Variants in XKR6 observed in about 807,000 individuals in gnomAD.
XKR6 encodes XK related 6.
A neutral mutation model predicts 56.7 loss-of-function variants in XKR6; 22 were observed. That is an observed-to-expected ratio of 0.39 (90% CI 0.28 to 0.55). XKR6 has a LOEUF of 0.55. XKR6 is among the 20% of genes least tolerant of loss of function. The pLI is 0.66. For missense variants in XKR6, 852 were observed against 889.0 expected (o/e 0.96, Z 0.53); for synonymous variants, 524 against 387.8 (o/e 1.35, Z -4.13).
chr8:11,032,538 G>C (rs1201734754), intron 1 of XKR6, among the ~76,000 whole-genome samples: 1 of 152,178 alleles, frequency 6.6e-6, no homozygotes, highest in Non-Finnish European at 1.5e-5. Context: ...TGAAAAAAAT[G>C]TTGGCCTGGA....
At chr8:11,110,184 G>T (rs1016574483) in intron 1 of XKR6, among the ~76,000 whole-genome samples, 7 of 152,100 alleles carry the variant, frequency 4.6e-5, no homozygotes, top group Admixed American at 4.6e-4. Context: ...TGTTGGCCAG[G>T]CTGGTCTTGA....
At chr8:11,162,448 A>G (rs1373632143) in intron 1 of XKR6, among the ~76,000 whole-genome samples, 6 of 152,248 alleles carry the variant, frequency 3.9e-5, no homozygotes, top group Non-Finnish European at 8.8e-5. Context: ...CAATTGTGGA[A>G]GGAAAAACAA....
intron 1 of XKR6, among the ~76,000 whole-genome samples, chr8:11,177,487 T>C (rs1484197283): frequency 6.6e-6 from 1 of 152,216 alleles, no homozygotes; most frequent in Admixed American, 6.5e-5. Flanking sequence ...ATGGAAGTCC[T>C]AACCCCCTCC....
chr8:10,924,232 C>T (rs2129116996), intron 2 of XKR6, among the ~76,000 whole-genome samples: 1 of 152,390 alleles, frequency 6.6e-6, no homozygotes, highest in South Asian at 2.1e-4. Flanking sequence ...ATTAGTGCTG[C>T]CCAATATGAC....
At chr8:11,174,816 A>G (rs1396178573) in intron 1 of XKR6, among the ~76,000 whole-genome samples, 1 of 152,200 alleles carries the variant, frequency 6.6e-6, no homozygotes, top group Non-Finnish European at 1.5e-5. Context: ...GCACCAGAGA[A>G]GCACAAGAGA....
At chr8:10,998,695 C>G (rs548511028) in intron 1 of XKR6, among the ~76,000 whole-genome samples, 2 of 152,292 alleles carry the variant, frequency 1.3e-5, no homozygotes, top group African/African-American at 4.8e-5. Flanking sequence ...CACTCACTGC[C>G]TCCACTTCTC....
chr8:10,991,986 T>C (rs771136336), intron 1 of XKR6, among the ~76,000 whole-genome samples: 1 of 152,186 alleles, frequency 6.6e-6, no homozygotes, highest in Non-Finnish European at 1.5e-5. Context: ...TTCCTGTCTA[T>C]ATACAGGTGG....
At chr8:10,953,689 C>T (rs1381898620) in intron 1 of XKR6, among the ~76,000 whole-genome samples, 1 of 151,964 alleles carries the variant, frequency 6.6e-6, no homozygotes, top group Non-Finnish European at 1.5e-5. Context: ...ATTTATTTAC[C>T]CCTTTAAGAT....
rs939624470 is a variant in XKR6, at chr8:11,154,531, G to C, written c.764+46045C>G. 6.6e-5 allele frequency among the ~76,000 whole-genome samples: 10 copies of C among 152,170 alleles called. 1 individual carries two copies. The highest frequency in any genetic ancestry group is 2.4e-4 in the African/African-American group (10 of 41,440). On this transcript the variant is annotated intron_variant, in intron 1 of 2. Coordinates refer to ENST00000416569, the MANE Select transcript of XKR6 (RefSeq NM_173683.4). ...CAATAAGTGTAACAGCTTTCAGTGA[G>C]TTCTATGAGTCCTTCCAGCAAATTG...
chr8:10,998,746 A>G (rs1393317251), intron 1 of XKR6, among the ~76,000 whole-genome samples: 1 of 152,056 alleles, frequency 6.6e-6, no homozygotes, highest in Non-Finnish European at 1.5e-5. Context: ...GCAGAGAAGC[A>G]CCCCTACCCC....
At chr8:11,021,080 G>A (rs774325116) in intron 1 of XKR6, among the ~76,000 whole-genome samples, 1 of 152,084 alleles carries the variant, frequency 6.6e-6, no homozygotes, top group Non-Finnish European at 1.5e-5. Flanking sequence ...TTTAAGATAC[G>A]TCAAGCCTTA....
At chr8:10,919,281 G>C (rs79995105) in intron 2 of XKR6, among the ~76,000 whole-genome samples, 20,579 of 152,230 alleles carry the variant, frequency 0.14, 1,603 homozygotes, top group South Asian at 0.17. Context: ...TTTGTACTCA[G>C]CTTAACTGGC....
intron 1 of XKR6, chr8:11,063,018 T>C (rs1288343644): frequency 5.6e-6 from 2 of 357,546 alleles, no homozygotes; most frequent in East Asian, 7.4e-5. Context: ...TCACATGGAA[T>C]GCCAGCCACA....
intron 1 of XKR6, among the ~76,000 whole-genome samples, chr8:11,103,810 A>T (rs1222997986): frequency 6.6e-6 from 1 of 152,236 alleles, no homozygotes; most frequent in Non-Finnish European, 1.5e-5. Context: ...TATTTTAGGC[A>T]AAATCATTTC....
At chr8:11,016,938 G>A (rs1798638776) in intron 1 of XKR6, among the ~76,000 whole-genome samples, 1 of 152,222 alleles carries the variant, frequency 6.6e-6, no homozygotes, top group Admixed American at 6.5e-5. Context: ...AGACAGACAG[G>A]TTAGAGATAG....
At chr8:10,983,945 G>A (rs1797793947) in intron 1 of XKR6, among the ~76,000 whole-genome samples, 1 of 152,128 alleles carries the variant, frequency 6.6e-6, no homozygotes, top group African/African-American at 2.4e-5. Context: ...GTGAGCCACT[G>A]CGCCCGGCCT....
chr8:11,087,354 G>A (rs530976992), intron 1 of XKR6, among the ~76,000 whole-genome samples: 46 of 152,174 alleles, frequency 3.0e-4, no homozygotes, highest in South Asian at 8.3e-4. Context: ...TCCACCCCTC[G>A]GGGAAGGGCA....
chr8:10,911,622 C>A, intron 2 of XKR6, among the ~76,000 whole-genome samples: 1 of 131,756 alleles, frequency 7.6e-6, no homozygotes. Flanking sequence ...TATATGTAGA[C>A]AGAGAGGGGG....
intron 1 of XKR6, among the ~76,000 whole-genome samples, chr8:11,139,204 T>C (rs1800556586): frequency 6.6e-6 from 1 of 152,338 alleles, no homozygotes; most frequent in Non-Finnish European, 1.5e-5. Flanking sequence ...TGAAATAAGA[T>C]AAAATTCTTC....
Sources: gnomAD v4.1 joint callset for allele counts (sites outside exome capture counted in the v4.1 genomes callset) on GRCh38, gnomAD v4.1.1 for gene constraint, MANE v1.5 for transcripts, NCBI Gene and HGNC (gene_info 2026-07-23, HGNC 2026-07-21) for gene names.